NAALADL2: variants seen among roughly 807,000 people sequenced by gnomAD.
NAALADL2 encodes inactive N-acetylated-alpha-linked acidic dipeptidase-like protein 2.
Under a neutral mutation model 87.2 loss-of-function variants are expected in NAALADL2, and 76 were observed. The ratio of observed to expected loss-of-function variants is 0.87; its 90% confidence interval spans 0.72 to 1.05. NAALADL2 has a LOEUF of 1.05. Ranked by LOEUF, NAALADL2 falls within the 50% of genes least tolerant of loss-of-function variation. NAALADL2 has a pLI of 0.00. For synonymous variants in NAALADL2, 354 were observed against 331.0 expected (o/e 1.07, Z -0.75); for missense variants, 1,089 against 945.8 (o/e 1.15, Z -1.99).
At chr3:175,195,927 T>C (rs1221639346) in intron 2 of NAALADL2, among the ~76,000 whole-genome samples, 2 of 151,952 alleles carry the variant, frequency 1.3e-5, no homozygotes, top group African/African-American at 4.8e-5. Flanking sequence ...TTAAAGATGC[T>C]TATGACCCAC....
At position 175,250,481 on chromosome 3, in the gene NAALADL2, C is replaced by G. The variant is rs972922100; in HGVS notation, c.820-5930C>G. Reference sequence around the variant, plus strand: ...TTATGACAGCCAATTCTCAGAGATTCTGGTTTGATAGTTCTTGAATGGGAC... The same window carrying G: ...TTATGACAGCCAATTCTCAGAGATTGTGGTTTGATAGTTCTTGAATGGGAC... On this transcript the variant is annotated intron_variant, in intron 3 of 13. Transcript: ENST00000454872. 6.6e-5 allele frequency among the ~76,000 whole-genome samples: 10 copies of G among 152,278 alleles called. No homozygotes were observed. The Middle Eastern group carries it at 0.01, about 155-fold the overall frequency.
intron 11 of NAALADL2, among the ~76,000 whole-genome samples, chr3:175,688,167 CAT>C (rs1736569172): frequency 6.6e-6 from 1 of 152,074 alleles, no homozygotes. Context: ...AATGAAATGA[CAT>C]TATTACAATG....
At chr3:174,845,354 A>T (rs1234711642) in intron 3 of NAALADL2, among the ~76,000 whole-genome samples, 1 of 152,112 alleles carries the variant, frequency 6.6e-6, no homozygotes, top group Non-Finnish European at 1.5e-5. Context: ...GGCTCTCTCC[A>T]GTAGGCTGGG....
At chr3:175,588,738 C>G (rs189358253) in intron 10 of NAALADL2, among the ~76,000 whole-genome samples, 2 of 152,030 alleles carry the variant, frequency 1.3e-5, no homozygotes, top group East Asian at 3.9e-4. Context: ...TGGGGTTTCA[C>G]CGTGTTAGCC....
Position 174,625,057 on chromosome 3 carries a change from C to CTCTTTTTT in NAALADL2, c.-115+74421_-115+74422insCTTTTTTT, listed in dbSNP as rs748895219. Among the ~76,000 whole-genome samples, 11 of 78,856 alleles carry CTCTTTTTT rather than the reference C, an allele frequency of 1.4e-4. No individual in the cohort carries two copies. In the Admixed American group the frequency reaches 1.6e-3, roughly 12 times the overall value. The allele number at this position is 78,856 out of a possible 152,430, so 51.7% of individuals were successfully genotyped here. ...TATTTATTGCTATCTCTCTCTCTCT[C>CTCTTTTTT]TTTTTTTTTTTTTTTTTTTGAGACA... On this transcript the variant is annotated intron_variant, in intron 2 of 3. Transcript: ENST00000434257.
At chr3:175,386,517 C>T (rs928666082) in intron 5 of NAALADL2, among the ~76,000 whole-genome samples, 2 of 151,462 alleles carry the variant, frequency 1.3e-5, no homozygotes, top group Non-Finnish European at 2.9e-5. Context: ...TCCCCTCTCC[C>T]TCTCTATTTA....
At chr3:175,061,266 C>A (rs1170585051) in intron 1 of NAALADL2, among the ~76,000 whole-genome samples, 2 of 152,036 alleles carry the variant, frequency 1.3e-5, no homozygotes, top group Non-Finnish European at 2.9e-5. Context: ...GATGAAAAAG[C>A]TAATGGTCTT....
intron 3 of NAALADL2, among the ~76,000 whole-genome samples, chr3:174,795,060 C>T (rs1216975523): frequency 1.6e-5 from 2 of 127,736 alleles, no homozygotes; most frequent in African/African-American, 2.9e-5. Context: ...GGCATGATCT[C>T]GGCACACCAC....
intron 4 of NAALADL2, among the ~76,000 whole-genome samples, chr3:175,301,815 G>A (rs1757121470): frequency 6.6e-6 from 1 of 152,142 alleles, no homozygotes; most frequent in African/African-American, 2.4e-5. Flanking sequence ...TAATTTTGAT[G>A]CTTCCACAGT....
chr3:175,173,822 G>A (rs1735252988), intron 2 of NAALADL2, among the ~76,000 whole-genome samples: 1 of 152,200 alleles, frequency 6.6e-6, no homozygotes, highest in Non-Finnish European at 1.5e-5. Context: ...CATTCAGTAA[G>A]TGTGTTGAAG....
intron 3 of NAALADL2, among the ~76,000 whole-genome samples, chr3:174,773,116 G>A (rs745477563): frequency 1.1e-4 from 17 of 152,234 alleles, no homozygotes; most frequent in South Asian, 4.1e-4. Context: ...AATTACAAAA[G>A]AGAAGGACAG....
At chr3:175,786,302 A>T (rs911833690) in intron 13 of NAALADL2, among the ~76,000 whole-genome samples, 1 of 152,176 alleles carries the variant, frequency 6.6e-6, no homozygotes, top group Non-Finnish European at 1.5e-5. Context: ...GTGTTTTCCA[A>T]CTTGGTTCCA....
At chr3:174,497,838 C>T (rs569877518) in intron 1 of NAALADL2, among the ~76,000 whole-genome samples, 2 of 152,178 alleles carry the variant, frequency 1.3e-5, no homozygotes, top group Non-Finnish European at 1.5e-5. Flanking sequence ...AATTCTAATG[C>T]TTGTCAGTAC....
At chr3:175,411,929 A>G (rs1174078265) in intron 5 of NAALADL2, among the ~76,000 whole-genome samples, 1 of 151,986 alleles carries the variant, frequency 6.6e-6, no homozygotes, top group Non-Finnish European at 1.5e-5. Context: ...TTCCAAGCAG[A>G]GGAAGGGCTA....
intron 2 of NAALADL2, among the ~76,000 whole-genome samples, chr3:174,707,217 C>T (rs544468624): frequency 1.5e-3 from 226 of 152,232 alleles, no homozygotes; most frequent in African/African-American, 5.3e-3. Context: ...CTAGTTCAAC[C>T]GTTGTGGAAG....
chr3:175,601,414 G>A (rs1161396666), intron 10 of NAALADL2, among the ~76,000 whole-genome samples: 1 of 152,112 alleles, frequency 6.6e-6, no homozygotes, highest in Non-Finnish European at 1.5e-5. Context: ...GCTCTATGAT[G>A]TTGGACACAT....
rs553787033 is a variant in NAALADL2 at position 175,064,267 on chromosome 3, C to G, written c.44-32523C>G. Among the ~76,000 whole-genome samples, 113 of 147,722 alleles carry G rather than the reference C, an allele frequency of 7.6e-4. 2 individuals carry two copies. Among genetic ancestry groups the G allele is most frequent in the Non-Finnish European group, 1.5e-3 (98 of 66,788 alleles). Reference sequence around the variant, plus strand: ...AAGAAGAAAAAAAAAAAAAGAAAAACGACAACAAAACCACCAAGACAACAG... The same window carrying G: ...AAGAAGAAAAAAAAAAAAAGAAAAAGGACAACAAAACCACCAAGACAACAG... On this transcript the variant is annotated intron_variant, in intron 1 of 13. Transcript: ENST00000454872.
intron 2 of NAALADL2, among the ~76,000 whole-genome samples, chr3:174,627,912 A>G (rs747427424): frequency 6.6e-6 from 1 of 152,194 alleles, no homozygotes; most frequent in Non-Finnish European, 1.5e-5. Flanking sequence ...CACAGAGTGG[A>G]ATAATAAACA....
At chr3:174,803,825 C>G (rs1719131748) in intron 3 of NAALADL2, among the ~76,000 whole-genome samples, 1 of 152,058 alleles carries the variant, frequency 6.6e-6, no homozygotes, top group African/African-American at 2.4e-5. Flanking sequence ...TTCCATTGGC[C>G]TATATATCTG....
Sources: gnomAD v4.1 joint callset for allele counts (sites outside exome capture counted in the v4.1 genomes callset) on GRCh38, gnomAD v4.1.1 for gene constraint, MANE v1.5 for transcripts, NCBI Gene and HGNC (gene_info 2026-07-23, HGNC 2026-07-21) for gene names.